CAMK2B: variants seen among roughly 807,000 people sequenced by gnomAD.
CAMK2B encodes calcium/calmodulin dependent protein kinase II beta, also known as calcium/calmodulin-dependent protein kinase type II subunit beta.
Under a neutral mutation model 93.7 loss-of-function variants are expected in CAMK2B, and 27 were observed. The ratio of observed to expected loss-of-function variants is 0.29; its 90% CI spans 0.21 to 0.40. The LOEUF is 0.40. Ranked by LOEUF, CAMK2B falls within the 10% of genes least tolerant of loss-of-function variation. CAMK2B has a pLI of 1.00. For synonymous variants in CAMK2B, 374 were observed against 358.8 expected, an observed-to-expected ratio of 1.04 and a Z score of -0.48; for missense variants, 568 against 895.8, an observed-to-expected ratio of 0.63 and a Z score of 4.67.
At chr7:44,244,995 G>A in intron 6 of CAMK2B, 1 of 455,566 alleles carries the variant, frequency 2.2e-6, no homozygotes. Context: ...AGTGGGTGGA[G>A]GCCCCAAGCT....
chr7:44,319,370 A>G (rs1406309562), intron 1 of CAMK2B, among the ~76,000 whole-genome samples: 1 of 152,190 alleles, frequency 6.6e-6, no homozygotes, highest in African/African-American at 2.4e-5. Context: ...GTGGCTCAAT[A>G]TAGACTCTTT....
chr7:44,325,609 C>T (rs1322520992), upstream of CAMK2B: 1 of 164,460 alleles, frequency 6.1e-6, no homozygotes, highest in Non-Finnish European at 1.2e-5. Flanking sequence ...GCTCCGTCCT[C>T]GCCAGGAGCG....
Position 44,311,143 on chromosome 7 carries a change from G to A in CAMK2B, c.65+14214C>T, listed in dbSNP as rs561204886. Among the ~76,000 whole-genome samples the A allele has an allele frequency of 1.3e-5, 2 of 152,060 alleles. No individual in the cohort carries two copies. The highest frequency in any genetic ancestry group is 4.8e-5 in the African/African-American group (2 of 41,458). ...GGCTGGAGTGCAATGGCGTGATCTC[G>A]GCTCACTGCAACCTCTGCAACCCCC... is the stretch of plus-strand genomic sequence containing the variant. On this transcript the variant is annotated intron_variant, in intron 1 of 23. Transcript: ENST00000395749. This position sits in a 1 kb window ranked among gnomAD's most constrained non-coding sequence, Gnocchi z 4.2.
At chr7:44,276,030 C>A (rs921140057) in intron 2 of CAMK2B, among the ~76,000 whole-genome samples, 6 of 152,118 alleles carry the variant, frequency 3.9e-5, no homozygotes, top group Non-Finnish European at 1.5e-5. Flanking sequence ...TAAAGCTGTT[C>A]CCTCAGGCTG....
At chr7:44,242,858 T>C (rs1257341598) in intron 8 of CAMK2B, among the ~76,000 whole-genome samples, 1 of 152,028 alleles carries the variant, frequency 6.6e-6, no homozygotes, top group African/African-American at 2.4e-5. Context: ...ACCCACACTA[T>C]CACAGGGATG....
At position 44,248,448 on chromosome 7, in the gene CAMK2B, G is replaced by A. The variant is rs2096751358; in HGVS notation, c.342-1256C>T. Among the ~76,000 whole-genome samples, 1 of 152,160 alleles carries A rather than the reference G, an allele frequency of 6.6e-6. No homozygotes were observed. Among genetic ancestry groups the A allele is most frequent in the South Asian group, 2.1e-4 (1 of 4,828 alleles). ...CCCCAGGGACAGCTCCACAATGCAG[G>A]GTGATAGCAGCCACCACCTCCGAGG... On this transcript the variant is annotated intron_variant, in intron 5 of 23. Coordinates refer to ENST00000395749, the MANE Select transcript of CAMK2B (RefSeq NM_001220.5). The surrounding 1 kb of genome is among the most constrained non-coding windows in gnomAD (Gnocchi z 4.1).
intron 2 of CAMK2B, among the ~76,000 whole-genome samples, chr7:44,267,780 C>T (rs1373459483): frequency 6.6e-6 from 1 of 152,204 alleles, no homozygotes; most frequent in Non-Finnish European, 1.5e-5. Flanking sequence ...AAAACAACAA[C>T]AACAAAAAAC....
intron 1 of CAMK2B, among the ~76,000 whole-genome samples, chr7:44,285,711 G>A (rs559353422): frequency 1.3e-4 from 19 of 151,500 alleles, no homozygotes; most frequent in African/African-American, 2.4e-4. Context: ...GTGCTTGGGC[G>A]GCCACTGAGC....
At chr7:44,244,166 C>A (rs2096708537) in intron 6 of CAMK2B, among the ~76,000 whole-genome samples, 1 of 152,204 alleles carries the variant, frequency 6.6e-6, no homozygotes, top group Non-Finnish European at 1.5e-5. Context: ...CTACATGGGG[C>A]AGGAAGGAGG....
At chr7:44,321,178 G>A (rs1229753195) in intron 1 of CAMK2B, among the ~76,000 whole-genome samples, 2 of 152,160 alleles carry the variant, frequency 1.3e-5, no homozygotes, top group East Asian at 1.9e-4. Flanking sequence ...TCAGAGCTTG[G>A]AGACTCAAAA....
chr7:44,235,175 C>T (rs1391771041), intron 13 of CAMK2B, among the ~76,000 whole-genome samples: 3 of 152,336 alleles, frequency 2.0e-5, no homozygotes, highest in African/African-American at 4.8e-5. Context: ...CCAGCCCAGG[C>T]GCTCACCCTG....
At chr7:44,260,727 C>A (rs1009286890) in intron 3 of CAMK2B, among the ~76,000 whole-genome samples, 1 of 152,204 alleles carries the variant, frequency 6.6e-6, no homozygotes, top group Non-Finnish European at 1.5e-5. Flanking sequence ...GACCAACACT[C>A]AGCACCAGGG....
Position 44,244,035 on chromosome 7 carries a change from T to C in CAMK2B, c.415-508A>G, listed in dbSNP as rs536968114. 7.1e-4 allele frequency among the ~76,000 whole-genome samples: 108 copies of C among 152,226 alleles called. No individual in the cohort carries two copies. The South Asian group carries it at 0.021, about 30-fold the overall frequency. On this transcript the variant is annotated intron_variant, in intron 6 of 23. Transcript: ENST00000395749. The stretch of plus-strand genomic sequence containing the variant: ...TGTTGGGGGCTGCTTGAGGGGAAGT[T>C]CAGGTATTTCCTGCTGAGATGGTGA...
At chr7:44,291,796 G>C (rs903968278) in intron 1 of CAMK2B, among the ~76,000 whole-genome samples, 1 of 152,080 alleles carries the variant, frequency 6.6e-6, no homozygotes, top group Admixed American at 6.5e-5. Context: ...ATTTCATTGC[G>C]TTCACTTCCA....
At chr7:44,273,642 G>T (rs1221252841) in intron 2 of CAMK2B, among the ~76,000 whole-genome samples, 1 of 152,122 alleles carries the variant, frequency 6.6e-6, no homozygotes, top group Non-Finnish European at 1.5e-5. Context: ...AGACAGCCGG[G>T]ACACTGGCTC....
At chr7:44,239,450 C>T (rs1021758305) in intron 13 of CAMK2B, 139 bp downstream of exon 13, 16 of 704,532 alleles carry the variant, frequency 2.3e-5, no homozygotes, top group Middle Eastern at 3.8e-4. Context: ...TGTGACCACA[C>T]GGGAGCAGGG....
chr7:44,226,028 AG>A, intron 20 of CAMK2B: 1 of 735,878 alleles, frequency 1.4e-6, no homozygotes, highest in Non-Finnish European at 1.9e-6. Flanking sequence ...GCTGCCCCCC[AG>A]ATCCGCGCCT....
intron 1 of CAMK2B, among the ~76,000 whole-genome samples, chr7:44,306,719 C>CAGGAGGAGGGTGTGGGCAGG (rs1413628683): frequency 1.3e-5 from 2 of 148,604 alleles, no homozygotes; most frequent in African/African-American, 2.5e-5. Flanking sequence ...AACCAGTGAG[C>CAGGAGGAGGGTGTGGGCAGG]AGGAGGAGGG....
intron 1 of CAMK2B, among the ~76,000 whole-genome samples, chr7:44,294,041 CG>C (rs1563050340): frequency 6.6e-6 from 1 of 152,096 alleles, no homozygotes; most frequent in African/African-American, 2.4e-5. Flanking sequence ...AATCTGAGGT[CG>C]GGTGGGGTCC....
Sources: allele counts gnomAD v4.1 joint callset (sites outside exome capture counted in the v4.1 genomes callset), GRCh38; gene constraint gnomAD v4.1.1; non-coding constraint Gnocchi (gnomAD v3.1); transcripts MANE v1.5; gene names NCBI Gene and HGNC (gene_info 2026-07-23, HGNC 2026-07-21).